Variants in ERCC5 observed in about 807,000 individuals in gnomAD.
ERCC5 encodes the protein DNA excision repair protein ERCC-5.
A neutral mutation model predicts 105.6 loss-of-function variants in ERCC5; 68 were observed. That is an observed-to-expected ratio of 0.64 (90% confidence interval 0.53 to 0.79). The LOEUF is 0.79. Among genes scored for constraint, ERCC5 ranks in the 30% least tolerant of loss-of-function variants. The pLI is 0.00. For synonymous variants in ERCC5, 546 were observed against 526.2 expected (o/e 1.04, Z -0.51); for missense variants, 1,373 against 1,426.7 (o/e 0.96, Z 0.61).
intron 1 of ERCC5, chr13:102,849,211 C>T (rs988754559): frequency 1.9e-6 from 1 of 518,838 alleles, no homozygotes; most frequent in African/African-American, 1.9e-5. Context: ...TTTATCCGAT[C>T]TCTTCTCGTG....
rs577633416 is a variant in ERCC5 at position 102,875,753 on chromosome 13, C to T, written c.3411C>T (p.Pro1137=). 1.5e-5 allele frequency: 25 copies of T among 1,614,026 alleles called. No individual in the cohort carries two copies. The highest frequency in any genetic ancestry group is 8.9e-5 in the East Asian group (4 of 44,872). The change falls in exon 15 of 15, where the codon CCC becomes CCT. Residue 1137 remains proline, a synonymous_variant. Transcript: ENST00000652225. ...SDSQNSVKEA[P]VKNGGATTSS... The stretch of plus-strand genomic sequence containing the variant: ...CGCAGAACTCAGTGAAGGAAGCTCC[C>T]GTGAAGAATGGAGGTGCGACCACCA...
Position 102,852,197 on chromosome 13 carries a change from C to A in ERCC5, c.168C>A (p.Leu56=). The A allele has an allele frequency of 1.2e-6, 2 of 1,614,126 alleles. No homozygotes were observed. Among genetic ancestry groups the A allele is most frequent in the Admixed American group, 3.3e-5 (2 of 60,028 alleles). The part of the protein sequence containing the change: ...HGNSIENPHL[L]TLFHRLCKLL... ...ACTCAATAGAAAATCCTCATCTTCT[C>A]ACTTTGTTTCATCGGCTCTGCAAAC... The change falls in exon 2 of 15, where the codon CTC becomes CTA. Residue 56 remains leucine (L), a synonymous_variant. Coordinates refer to ENST00000652225, the MANE Select transcript of ERCC5 (RefSeq NM_000123.4).
intron 7 of ERCC5, 120 bp downstream of exon 7, chr13:102,861,834 T>A: frequency 7.3e-7 from 1 of 1,377,376 alleles, no homozygotes; most frequent in Non-Finnish European, 1.0e-6. Context: ...GTAATAACTG[T>A]ATACTGCTAT....
intron 1 of ERCC5, among the ~76,000 whole-genome samples, chr13:102,850,922 T>TA (rs1295600626): frequency 1.3e-5 from 2 of 152,152 alleles, no homozygotes; most frequent in East Asian, 1.9e-4. Flanking sequence ...TTAACAGTGT[T>TA]ACAGGAGCTG....
intron 8 of ERCC5, among the ~76,000 whole-genome samples, chr13:102,864,018 A>G (rs1048699430): frequency 6.6e-6 from 1 of 152,054 alleles, no homozygotes; most frequent in Non-Finnish European, 1.5e-5. Flanking sequence ...ATATATGCAT[A>G]TGTGTGTATA....
chr13:102,859,075 A>G (rs1427997141), intron 6 of ERCC5: 2 of 338,180 alleles, frequency 5.9e-6, no homozygotes, highest in Non-Finnish European at 1.2e-5. Context: ...GGTGCTAGCA[A>G]ATGTGTCTCC....
rs368469983 is a variant in ERCC5 at position 102,861,550 on chromosome 13, A to G, written c.716A>G (p.Lys239Arg). Residue 239 changes from lysine (K) to arginine (R), a missense_variant, in exon 7 of 15, where the codon AAA becomes AGA. Transcript: ENST00000652225. ...FSQYQLKGLL[K>R]KNYLNQHIEH... is the part of the protein sequence containing the mutation. The stretch of plus-strand genomic sequence containing the variant: ...CAGTACCAACTCAAAGGCTTGCTTA[A>G]AAAGAACTATCTGAACCAGCATATA... The G allele has an allele frequency of 5.6e-6, 9 of 1,614,142 alleles. No individual in the cohort carries two copies. The East Asian group carries it at 1.1e-4, about 20-fold the overall frequency.
At chr13:102,864,126 C>CCACA (rs10647676) in intron 8 of ERCC5, among the ~76,000 whole-genome samples, 19,544 of 140,826 alleles carry the variant, frequency 0.14, 1,513 homozygotes, top group East Asian at 0.35. Flanking sequence ...AGAGAATCAA[C>CCACA]CACACACACA....
Position 102,875,992 on chromosome 13 carries a change from G to A in ERCC5, c.*89G>A, listed in dbSNP as rs4150390. 0.027 allele frequency: 40,299 copies of A among 1,478,836 alleles called. 702 individuals are homozygous for A. Among genetic ancestry groups the A allele is most frequent in the Non-Finnish European group, 0.029 (31,338 of 1,085,030 alleles). The allele number at this position is 1,478,836 out of a possible 1,614,324, so 91.6% of individuals were successfully genotyped here. ...ACGTAATAAAATTAACTGGTGGCAC[G>A]GTCTTTGTATTTAGTGTGTGGTTCC... On this transcript the variant is annotated 3_prime_UTR_variant, in exon 15 of 15. Transcript: ENST00000652225.
chr13:102,846,854 T>A (rs1415499552), intron 1 of ERCC5, among the ~76,000 whole-genome samples: 1 of 152,236 alleles, frequency 6.6e-6, no homozygotes, highest in Non-Finnish European at 1.5e-5. Context: ...TTTGCAGTCT[T>A]AGCGGCCTGT....
In ERCC5 at chr13:102,866,896, T is replaced by G. The variant is rs1882861021; in HGVS notation, c.2533+51T>G. 3 of 1,553,782 alleles carry G rather than the reference T, an allele frequency of 1.9e-6. No homozygotes were observed. The African/African-American group carries it at 4.1e-5, about 21-fold the overall frequency. On this transcript the variant is annotated intron_variant, in intron 11 of 14. Transcript: ENST00000652225. Reference sequence around the variant, plus strand: ...ACTTTCTGACATTTACCTTCAGAGTTTGTCCTAGGAAGTTTTCTTTCCAAG... The same window carrying G: ...ACTTTCTGACATTTACCTTCAGAGTGTGTCCTAGGAAGTTTTCTTTCCAAG...
At chr13:102,863,236 A>G in intron 8 of ERCC5, 133 bp downstream of exon 8, 1 of 1,068,596 alleles carries the variant, frequency 9.4e-7, no homozygotes, top group South Asian at 1.6e-5. Context: ...GAAAGATGAA[A>G]TGACTTTCCC....
intron 6 of ERCC5, among the ~76,000 whole-genome samples, chr13:102,860,162 G>C (rs181863168): frequency 6.6e-6 from 1 of 152,296 alleles, no homozygotes; most frequent in East Asian, 1.9e-4. Context: ...AACAGTGCAA[G>C]AGTATGATGC....
At chr13:102,868,054 G>A (rs932103030) in intron 11 of ERCC5, 59 bp from the exon 12 acceptor site, 3 of 1,508,260 alleles carry the variant, frequency 2.0e-6, no homozygotes, top group South Asian at 2.3e-5. Context: ...ATAATAAAAT[G>A]TTTATAAATG....
intron 6 of ERCC5, among the ~76,000 whole-genome samples, 153 bp downstream of exon 6, chr13:102,858,571 A>G (rs1413705385): frequency 6.6e-6 from 1 of 152,232 alleles, no homozygotes; most frequent in African/African-American, 2.4e-5. Context: ...GAAGCATCGT[A>G]TATTTATACG....
Position 102,866,823 on chromosome 13 carries a change from T to C in ERCC5, c.2511T>C (p.Tyr837=). The C allele has an allele frequency of 6.2e-7, 1 of 1,612,242 alleles. No individual in the cohort carries two copies. Residue 837 remains tyrosine, a synonymous_variant, in exon 11 of 15, where the codon TAT becomes TAC. Transcript: ENST00000652225. The part of the protein sequence containing the change: ...NKNKFVEYYQ[Y]VDFHNQLGLD... ...ACAAGTTTGTAGAATATTATCAATA[T>C]GTGGACTTTCACAATCAATTGGGTA...
At chr13:102,861,406 C>A in intron 6 of ERCC5, 101 bp from the exon 7 acceptor site, 2 of 1,299,710 alleles carry the variant, frequency 1.5e-6, no homozygotes, top group Non-Finnish European at 2.2e-6. Context: ...ATGAAAAAAG[C>A]CAATTGTTCT....
intron 5 of ERCC5, among the ~76,000 whole-genome samples, chr13:102,857,485 G>C (rs1273702837): frequency 6.6e-6 from 1 of 152,074 alleles, no homozygotes; most frequent in Admixed American, 6.5e-5. Context: ...TTTGCTGGTT[G>C]GTACGTACAC....
In ERCC5 at chr13:102,851,969, T is replaced by G. The variant is rs544008267; in HGVS notation, c.89-149T>G. ...TAAAAGTTAACTGACTTTAGGTAGA[T>G]CCCATGAGAGCTAAATGTTTTTCAA... On this transcript the variant is annotated intron_variant, in intron 1 of 14. Coordinates refer to ENST00000652225, the MANE Select transcript of ERCC5 (RefSeq NM_000123.4). The G allele has an allele frequency of 6.3e-5, 55 of 868,646 alleles. 1 individual carries two copies. The South Asian group carries it at 8.8e-4, about 14-fold the overall frequency. 53.8% of individuals were successfully genotyped at this position (868,646 alleles called of 1,614,324 possible).
Sources: allele counts gnomAD v4.1 joint callset (sites outside exome capture counted in the v4.1 genomes callset), GRCh38; gene constraint gnomAD v4.1.1; transcripts MANE v1.5; gene names NCBI Gene and HGNC (gene_info 2026-07-23, HGNC 2026-07-21).